Variants in BABAM2 observed in about 807,000 individuals in gnomAD.
BABAM2 encodes the protein BRISC and BRCA1 A complex member 2, also known as BRISC and BRCA1-A complex member 2.
A neutral mutation model predicts 54.7 loss-of-function variants in BABAM2; 31 were observed. That is an observed-to-expected ratio of 0.57 (90% CI 0.43 to 0.77). The LOEUF (loss-of-function observed/expected upper bound fraction) is 0.77. BABAM2 is among the 30% of genes least tolerant of loss of function. The probability of loss-of-function intolerance (pLI) is 0.00; values close to 1 mark genes in which losing one functional copy is unlikely to be tolerated. For missense variants in BABAM2, 364 were observed against 455.8 expected, an observed-to-expected ratio of 0.80 and a Z score of 1.83; for synonymous variants, 167 against 162.9, an observed-to-expected ratio of 1.03 and a Z score of -0.19.
chr2:28,144,752 T>C (rs7599862), intron 7 of BABAM2, among the ~76,000 whole-genome samples: 2,035 of 152,308 alleles, frequency 0.013, 42 homozygotes, highest in African/African-American at 0.046. Context: ...CAAACACTAT[T>C]TTATTCAGTG....
rs570944639 is a variant in BABAM2 at position 27,942,368 on chromosome 2, T to C, written c.205+12460T>C. On this transcript the variant is annotated intron_variant, in intron 3 of 11. Coordinates refer to ENST00000379624, the MANE Select transcript of BABAM2 (RefSeq NM_199191.3). Reference sequence around the variant, plus strand: ...CGTGCTATTATTTTATTTTATTTTATTTATTTTTTTGAGACAGGGTCTCGC... The same window carrying C: ...CGTGCTATTATTTTATTTTATTTTACTTATTTTTTTGAGACAGGGTCTCGC... 3.3e-5 allele frequency among the ~76,000 whole-genome samples: 5 copies of C among 152,228 alleles called. No homozygotes were observed. In the South Asian group the frequency reaches 1.0e-3, roughly 32 times the overall value.
At position 28,262,154 on chromosome 2, in the gene BABAM2, T is replaced by C. The variant is rs535942597; in HGVS notation, c.934+17292T>C. ...GAGGGAAGAAATCTTAGAGTGGAGG[T>C]GAGGAACTGAAAGTGGTTTCCAGTC... On this transcript the variant is annotated intron_variant, in intron 10 of 11. Transcript: ENST00000379624. 3.5e-3 allele frequency among the ~76,000 whole-genome samples: 525 copies of C among 151,938 alleles called. 2 individuals are homozygous for C. Among genetic ancestry groups the C allele is most frequent in the African/African-American group, 0.012 (502 of 41,406 alleles).
rs1333314295 is a variant in BABAM2, at chr2:28,244,831, G to C, written c.903G>C (p.Leu301=). 6.2e-7 allele frequency: 1 copy of C among 1,613,876 alleles called. No homozygotes were observed. Among genetic ancestry groups the C allele is most frequent in the African/African-American group, 1.3e-5 (1 of 74,898 alleles). ...AEGFTKLTLL[L]MWKDFCFLVH... is the part of the protein sequence containing the mutation. ...GCTTTACAAAACTCACTCTGCTGCT[G>C]ATGTGGAAAGATTTTTGTTTTCTTG... is the stretch of plus-strand genomic sequence containing the variant. The change falls in exon 10 of 12, where the codon CTG becomes CTC. Residue 301 remains leucine (L), a synonymous_variant. Transcript: ENST00000379624.
intron 2 of BABAM2, among the ~76,000 whole-genome samples, chr2:27,911,476 T>A (rs533739959): frequency 1.3e-5 from 2 of 151,606 alleles, no homozygotes; most frequent in African/African-American, 4.8e-5. Flanking sequence ...GAAAGGACAA[T>A]AAGGTAGGAA....
At chr2:28,095,803 T>C (rs962195648) in intron 6 of BABAM2, among the ~76,000 whole-genome samples, 3 of 152,294 alleles carry the variant, frequency 2.0e-5, no homozygotes, top group Admixed American at 1.3e-4. Context: ...TTTTAAGTAG[T>C]ATAATCCTGG....
chr2:27,920,140 AAAATCAACC>A (rs1667246352), intron 2 of BABAM2, among the ~76,000 whole-genome samples: 1 of 152,158 alleles, frequency 6.6e-6, no homozygotes, highest in Non-Finnish European at 1.5e-5. Flanking sequence ...CATTCCCCTG[AAAATCAACC>A]GAGAAAATCT....
chr2:28,131,422 G>C (rs908130024), intron 7 of BABAM2, among the ~76,000 whole-genome samples: 2 of 151,552 alleles, frequency 1.3e-5, no homozygotes, highest in Non-Finnish European at 2.9e-5. Context: ...ATTAGTAAGC[G>C]ATCAGTGGAT....
chr2:27,967,437 T>A (rs1670910029), intron 3 of BABAM2, among the ~76,000 whole-genome samples: 1 of 152,228 alleles, frequency 6.6e-6, no homozygotes, highest in Non-Finnish European at 1.5e-5. Flanking sequence ...CCCAGCCACA[T>A]GTCACTGTGA....
chr2:27,998,494 T>G (rs1393833384), intron 4 of BABAM2, among the ~76,000 whole-genome samples: 2 of 152,010 alleles, frequency 1.3e-5, no homozygotes, highest in Non-Finnish European at 2.9e-5. Flanking sequence ...ACTTTATATA[T>G]TATCATAAGC....
chr2:28,139,591 T>A (rs578056038), intron 7 of BABAM2, among the ~76,000 whole-genome samples: 1 of 151,964 alleles, frequency 6.6e-6, no homozygotes, highest in African/African-American at 2.4e-5. Flanking sequence ...AAATAAAAAA[T>A]AAAAAAAATT....
intron 4 of BABAM2, among the ~76,000 whole-genome samples, chr2:28,020,300 G>A (rs557106094): frequency 6.6e-6 from 1 of 152,232 alleles, no homozygotes; most frequent in South Asian, 2.1e-4. Flanking sequence ...TATGTGAAGT[G>A]TGAAATAAAA....
chr2:28,035,701 C>T (rs945437935), intron 5 of BABAM2, among the ~76,000 whole-genome samples: 1 of 152,102 alleles, frequency 6.6e-6, no homozygotes, highest in Non-Finnish European at 1.5e-5. Context: ...TGAATTTTGA[C>T]TTGCATGTCA....
chr2:28,175,850 G>A (rs1235056894), intron 7 of BABAM2, among the ~76,000 whole-genome samples: 1 of 152,066 alleles, frequency 6.6e-6, no homozygotes, highest in Non-Finnish European at 1.5e-5. Flanking sequence ...GATACCCTTG[G>A]CCCACTGCTG....
intron 6 of BABAM2, among the ~76,000 whole-genome samples, chr2:28,099,774 A>C (rs1199171526): frequency 6.6e-6 from 1 of 152,168 alleles, no homozygotes; most frequent in East Asian, 1.9e-4. Context: ...CATCTTTGAA[A>C]ACAGTAATCC....
intron 11 of BABAM2, among the ~76,000 whole-genome samples, chr2:28,321,298 T>A (rs902382363): frequency 2.0e-4 from 30 of 152,284 alleles, no homozygotes; most frequent in African/African-American, 6.5e-4. Flanking sequence ...TAGATCCACA[T>A]TTAAATTCAG....
At chr2:27,890,382 C>A, upstream of BABAM2, 1 of 1,591,304 alleles carries the variant, frequency 6.3e-7, no homozygotes, top group Non-Finnish European at 8.6e-7. The surrounding 1 kb of genome is among the most constrained non-coding windows in gnomAD (Gnocchi z 4.8). Context: ...GGACGGTGAC[C>A]TCTGCCCTTT....
At chr2:28,096,925 A>G (rs1666681665) in intron 6 of BABAM2, among the ~76,000 whole-genome samples, 1 of 152,224 alleles carries the variant, frequency 6.6e-6, no homozygotes, top group Admixed American at 6.5e-5. Flanking sequence ...AGGAAAGATT[A>G]GACCAACTTA....
intron 1 of BABAM2, chr2:27,891,165 G>A (rs1283168677): frequency 6.6e-6 from 1 of 152,228 alleles, no homozygotes; most frequent in Non-Finnish European, 1.5e-5. Flanking sequence ...CTAGAGTGGG[G>A]TGGTCATTCT....
At chr2:28,026,875 T>G (rs1230917745) in intron 5 of BABAM2, among the ~76,000 whole-genome samples, 1 of 47,184 alleles carries the variant, frequency 2.1e-5, no homozygotes, top group African/African-American at 9.9e-5. Flanking sequence ...TATATATATT[T>G]ATATATATAT....
Sources: gnomAD v4.1 joint callset for allele counts (sites outside exome capture counted in the v4.1 genomes callset) on GRCh38, gnomAD v4.1.1 for gene constraint, Gnocchi (gnomAD v3.1) non-coding constraint, MANE v1.5 for transcripts, NCBI Gene and HGNC (gene_info 2026-07-23, HGNC 2026-07-21) for gene names.